The following CNTNAP2 variants were observed in gnomAD, a reference collection of about 807,000 sequenced individuals.
The protein encoded by CNTNAP2 is contactin associated protein 2.
CNTNAP2 carries 98 observed loss-of-function variants against 155.2 expected under a neutral mutation model. The observed-to-expected ratio is 0.63, with a 90% CI of 0.54 to 0.75. The LOEUF (loss-of-function observed/expected upper bound fraction) is 0.75, where lower values mean the gene tolerates loss of function less well. CNTNAP2 is among the 30% of genes least tolerant of loss of function. The pLI is 0.00. For synonymous variants in CNTNAP2, 651 were observed against 631.2 expected (o/e 1.03, Z -0.47); for missense variants, 1,727 against 1,688.1 (o/e 1.02, Z -0.40).
chr7:146,211,667 G>C (rs1035639765), intron 1 of CNTNAP2, among the ~76,000 whole-genome samples: 1 of 152,012 alleles, frequency 6.6e-6, no homozygotes, highest in Non-Finnish European at 1.5e-5. Flanking sequence ...CAAACTAGCA[G>C]AAATGTGAAT....
intron 1 of CNTNAP2, among the ~76,000 whole-genome samples, chr7:146,647,256 C>T (rs952385708): frequency 6.6e-6 from 1 of 152,134 alleles, no homozygotes; most frequent in Non-Finnish European, 1.5e-5. Flanking sequence ...TGGACTTTAT[C>T]TCGAGCTCCT....
intron 3 of CNTNAP2, among the ~76,000 whole-genome samples, chr7:146,867,559 T>C (rs1795230290): frequency 1.3e-5 from 2 of 152,168 alleles, no homozygotes; most frequent in African/African-American, 4.8e-5. Flanking sequence ...CTGGGTCGAA[T>C]GGCAGTTCTG....
At chr7:146,708,085 A>G (rs1456103506) in intron 1 of CNTNAP2, among the ~76,000 whole-genome samples, 1 of 152,178 alleles carries the variant, frequency 6.6e-6, no homozygotes, top group Non-Finnish European at 1.5e-5. Context: ...CAGTAAAAGA[A>G]GACAAGACTC....
In CNTNAP2 at chr7:146,516,352, A is replaced by G. The variant is rs976469260; in HGVS notation, c.98-257919A>G. On this transcript the variant is annotated intron_variant, in intron 1 of 23. Transcript: ENST00000361727. Reference sequence around the variant, plus strand: ...GGTACACACATTTACAGACCAGAATATAACTCTAGAAATTGGCAGCTATTT... The same window carrying G: ...GGTACACACATTTACAGACCAGAATGTAACTCTAGAAATTGGCAGCTATTT... Among the ~76,000 whole-genome samples the G allele has an allele frequency of 2.6e-5, 4 of 152,198 alleles. No homozygotes were observed. In the South Asian group the frequency reaches 6.2e-4, roughly 24 times the overall value.
At chr7:146,655,778 A>G (rs1392090141) in intron 1 of CNTNAP2, among the ~76,000 whole-genome samples, 1 of 152,166 alleles carries the variant, frequency 6.6e-6, no homozygotes, top group Admixed American at 6.5e-5. Flanking sequence ...ATATCCATGA[A>G]AACTCTCTCT....
At chr7:146,137,898 C>A (rs905481368) in intron 1 of CNTNAP2, among the ~76,000 whole-genome samples, 4 of 151,526 alleles carry the variant, frequency 2.6e-5, no homozygotes, top group African/African-American at 7.3e-5. Context: ...ATATTTAATT[C>A]TTTAAAAGTT....
intron 8 of CNTNAP2, among the ~76,000 whole-genome samples, chr7:147,287,416 G>T (rs1436146289): frequency 6.6e-6 from 1 of 152,038 alleles, no homozygotes; most frequent in African/African-American, 2.4e-5. Flanking sequence ...AAGCTGAATT[G>T]TATAAGGAAT....
At chr7:146,614,993 G>T (rs1799201216) in intron 1 of CNTNAP2, among the ~76,000 whole-genome samples, 1 of 152,022 alleles carries the variant, frequency 6.6e-6, no homozygotes, top group African/African-American at 2.4e-5. Flanking sequence ...TTTGAAAAAA[G>T]AAAATATACT....
intron 1 of CNTNAP2, among the ~76,000 whole-genome samples, chr7:146,296,225 T>G (rs1419236591): frequency 6.6e-6 from 1 of 152,144 alleles, no homozygotes; most frequent in Non-Finnish European, 1.5e-5. Flanking sequence ...ACAGAGGAAC[T>G]GAGTCACCTG....
At chr7:147,906,461 C>A (rs1289604131) in intron 14 of CNTNAP2, among the ~76,000 whole-genome samples, 1 of 151,948 alleles carries the variant, frequency 6.6e-6, no homozygotes, top group Non-Finnish European at 1.5e-5. Flanking sequence ...AGCCACCATG[C>A]CTGGCCAAGA....
chr7:146,799,528 A>T (rs1439533527), intron 2 of CNTNAP2, among the ~76,000 whole-genome samples: 4 of 152,202 alleles, frequency 2.6e-5, no homozygotes, highest in Non-Finnish European at 4.4e-5. Context: ...TTTATATATG[A>T]CTTACATGCA....
chr7:147,814,424 C>T (rs1798234725), intron 13 of CNTNAP2, among the ~76,000 whole-genome samples: 1 of 152,100 alleles, frequency 6.6e-6, no homozygotes, highest in Non-Finnish European at 1.5e-5. Flanking sequence ...CTGCATTTGG[C>T]ATTATTCCTT....
rs371898848 is a variant in CNTNAP2, at chr7:147,737,500, G to A, written c.2098+98194G>A. On this transcript the variant is annotated intron_variant, in intron 13 of 23. Transcript: ENST00000361727. Reference sequence around the variant, plus strand: ...CCCACTTGAGGCAGTCTGTCCGTTCGCAGATCTCAAGCTCCGTGCTGGGAG... The same window carrying A: ...CCCACTTGAGGCAGTCTGTCCGTTCACAGATCTCAAGCTCCGTGCTGGGAG... Among the ~76,000 whole-genome samples, 576 of 152,208 alleles carry A rather than the reference G, an allele frequency of 3.8e-3. 3 individuals carry two copies. The highest frequency in any genetic ancestry group is 5.9e-3 in the Non-Finnish European group (403 of 68,016).
chr7:147,075,569 G>T (rs762477761), intron 4 of CNTNAP2, among the ~76,000 whole-genome samples: 23 of 152,018 alleles, frequency 1.5e-4, no homozygotes, highest in Non-Finnish European at 3.2e-4. Flanking sequence ...AATAGTATAT[G>T]AATGTATGAA....
At chr7:148,163,297 G>A (rs1805586099) in intron 17 of CNTNAP2, among the ~76,000 whole-genome samples, 3 of 152,280 alleles carry the variant, frequency 2.0e-5, no homozygotes, top group Admixed American at 6.5e-5. Flanking sequence ...GTAAAATGGA[G>A]ATAATAATAT....
intron 3 of CNTNAP2, among the ~76,000 whole-genome samples, chr7:146,972,598 A>G (rs1320752382): frequency 6.6e-6 from 1 of 152,188 alleles, no homozygotes; most frequent in African/African-American, 2.4e-5. Context: ...ATATAAAATG[A>G]AAATTTTGGA....
chr7:146,725,657 T>C lies in CNTNAP2; in HGVS notation c.98-48614T>C, dbSNP rs10256521. Among the ~76,000 whole-genome samples, 969 of 152,162 alleles carry C rather than the reference T, an allele frequency of 6.4e-3. 7 individuals carry two copies. Among genetic ancestry groups the C allele is most frequent in the African/African-American group, 0.022 (904 of 41,558 alleles). On this transcript the variant is annotated intron_variant, in intron 1 of 23. Coordinates refer to ENST00000361727, the MANE Select transcript of CNTNAP2 (RefSeq NM_014141.6). ...TATTTGTAGAACCAAAGATTGGCCT[T>C]TCCAGATGTCTTTTCAGGTTTTTTT...
chr7:147,786,581 A>G (rs1436169867), intron 13 of CNTNAP2, among the ~76,000 whole-genome samples: 1 of 152,220 alleles, frequency 6.6e-6, no homozygotes, highest in Admixed American at 6.5e-5. Context: ...AGGAAGCAGC[A>G]GCGTGGGGAG....
intron 8 of CNTNAP2, among the ~76,000 whole-genome samples, chr7:147,166,180 A>C (rs1366464557): frequency 6.6e-6 from 1 of 152,174 alleles, no homozygotes; most frequent in African/African-American, 2.4e-5. Flanking sequence ...ATAGATAGAT[A>C]GATAGATAGG....
Sources: allele counts gnomAD v4.1 joint callset (sites outside exome capture counted in the v4.1 genomes callset), GRCh38; gene constraint gnomAD v4.1.1; transcripts MANE v1.5; gene names NCBI Gene and HGNC (gene_info 2026-07-23, HGNC 2026-07-21).